The following KNL1 variants were observed in gnomAD, a reference collection of about 807,000 sequenced individuals.
The protein encoded by KNL1 is kinetochore scaffold 1, also known as outer kinetochore KNL1 complex subunit KNL1.
A neutral mutation model predicts 201.3 loss-of-function variants in KNL1; 66 were observed. The observed-to-expected ratio is 0.33, with a 90% confidence interval of 0.27 to 0.40. The LOEUF (loss-of-function observed/expected upper bound fraction) is 0.40, where lower values mean the gene tolerates loss of function less well. Ranked by LOEUF, KNL1 falls within the 10% of genes least tolerant of loss-of-function variation. The pLI is 1.00. For synonymous variants in KNL1, 895 were observed against 899.2 expected, an observed-to-expected ratio of 1.00 and a Z score of 0.08; for missense variants, 2,815 against 2,690.5, an observed-to-expected ratio of 1.05 and a Z score of -1.02.
rs1165244037 is a variant in KNL1, at chr15:40,625,375, A to G, written c.5111A>G (p.Asn1704Ser). 1.9e-6 allele frequency: 3 copies of G among 1,613,972 alleles called. No individual in the cohort carries two copies. The highest frequency in any genetic ancestry group is 2.5e-6 in the Non-Finnish European group (3 of 1,179,952). The change falls in exon 10 of 26, where the codon AAC becomes AGC. Residue 1704 changes from asparagine (N) to serine (S), a missense_variant. Asn to Ser is a conservative substitution (Grantham distance 46). Transcript: ENST00000399668. ...SGIGSVAGKL[N>S]LSPSQYINEE... is the part of the protein sequence containing the mutation. ...ATTGGATCTGTTGCAGGTAAACTGAACCTAAGTCCTTCTCAATATATAAAT... is the reference window on the plus strand; with the variant it reads ...ATTGGATCTGTTGCAGGTAAACTGAGCCTAAGTCCTTCTCAATATATAAAT...
intron 6 of KNL1, among the ~76,000 whole-genome samples, chr15:40,611,027 C>T (rs1359902779): frequency 2.0e-5 from 3 of 152,078 alleles, no homozygotes; most frequent in African/African-American, 7.2e-5. Flanking sequence ...GGATTACAGG[C>T]GTGAGCCACC....
At chr15:40,659,682 C>T (rs1029236956) in intron 25 of KNL1, among the ~76,000 whole-genome samples, 10 of 151,856 alleles carry the variant, frequency 6.6e-5, no homozygotes, top group African/African-American at 1.7e-4. Context: ...TTAGTAGAGA[C>T]GGGGTTTCAC....
chr15:40,631,182 T>C (rs994078484), intron 13 of KNL1, among the ~76,000 whole-genome samples: 1 of 152,112 alleles, frequency 6.6e-6, no homozygotes, highest in South Asian at 2.1e-4. Context: ...TAAATGTGCT[T>C]GAATCATCCT....
intron 6 of KNL1, 30 bp downstream of exon 6, chr15:40,610,327 TCTGCTTTTTAAAAAATTTTA>T: frequency 8.0e-7 from 1 of 1,247,056 alleles, no homozygotes; most frequent in East Asian, 2.3e-5. Context: ...TCCTGCTAAA[TCTGCTTTTTAAAAAATTTTA>T]CTGTAGCTAT....
chr15:40,608,930 C>T (rs1297470678), intron 5 of KNL1, 22 bp downstream of exon 5: 1 of 1,548,142 alleles, frequency 6.5e-7, no homozygotes, highest in Admixed American at 1.7e-5. Context: ...GCAGAAATAA[C>T]TAAAATATTA....
At chr15:40,647,461 G>A (rs897381253) in intron 17 of KNL1, among the ~76,000 whole-genome samples, 4 of 151,768 alleles carry the variant, frequency 2.6e-5, no homozygotes, top group Non-Finnish European at 4.4e-5. Flanking sequence ...GTGGCAGAGC[G>A]AGACTCCATC....
chr15:40,602,479 C>CGTTTTT (rs1566998543), intron 1 of KNL1, among the ~76,000 whole-genome samples: 5 of 104,188 alleles, frequency 4.8e-5, no homozygotes, highest in African/African-American at 1.7e-4. Flanking sequence ...TTTTTTCCTT[C>CGTTTTT]CTTTTTTTTT....
intron 9 of KNL1, 142 bp from the exon 10 acceptor site, chr15:40,620,498 T>C: frequency 2.1e-6 from 1 of 465,296 alleles, no homozygotes. Flanking sequence ...ACAAATTATA[T>C]GCAACATGCT....
intron 9 of KNL1, among the ~76,000 whole-genome samples, chr15:40,620,336 G>T (rs1325361817): frequency 6.6e-6 from 1 of 151,982 alleles, no homozygotes; most frequent in Non-Finnish European, 1.5e-5. Flanking sequence ...CTCCCGAGTA[G>T]CTGGGACTAC....
chr15:40,600,737 T>C (rs1891766409), intron 1 of KNL1, among the ~76,000 whole-genome samples: 1 of 152,246 alleles, frequency 6.6e-6, no homozygotes, highest in African/African-American at 2.4e-5. Context: ...TTTTGAAATC[T>C]GCAGTGGCAT....
intron 13 of KNL1, among the ~76,000 whole-genome samples, chr15:40,634,957 A>G (rs78962734): frequency 0.014 from 2,080 of 152,294 alleles, 49 homozygotes; most frequent in African/African-American, 0.047. Flanking sequence ...TCGGGAAAGA[A>G]GTTGAAAATC....
In KNL1 at chr15:40,623,910, G is replaced by C. The variant is rs547381196; in HGVS notation, c.3646G>C (p.Ala1216Pro). 5.6e-6 allele frequency: 9 copies of C among 1,613,284 alleles called. No individual in the cohort carries two copies. The highest frequency in any genetic ancestry group is 1.1e-5 in the South Asian group (1 of 91,072). The change falls in exon 10 of 26, where the codon GCA (alanine) becomes CCA (proline). Residue 1216 changes from alanine to proline, a missense_variant. Ala to Pro is a conservative substitution (Grantham distance 27, BLOSUM62 -1). Around this residue, in one of 3 missense-constraint regions of KNL1, gnomAD observed 2,464 missense variants for 2,291.7 expected, o/e 1.08. Transcript: ENST00000399668. ...TGTTCAAGAAATCGCTGAAAAACAAGCACTGGCTGTAGGAAACAAAATAGT... is the reference window on the plus strand; with the variant it reads ...TGTTCAAGAAATCGCTGAAAAACAACCACTGGCTGTAGGAAACAAAATAGT... ...SCVQEIAEKQ[A>P]LAVGNKIVLH... is the part of the protein sequence containing the mutation.
At chr15:40,600,219 G>A (rs192176290) in intron 1 of KNL1, among the ~76,000 whole-genome samples, 9 of 152,122 alleles carry the variant, frequency 5.9e-5, no homozygotes, top group Non-Finnish European at 1.0e-4. Flanking sequence ...GGGATTACAG[G>A]CACCCACCAC....
At chr15:40,618,823 T>C (rs1892425110) in intron 8 of KNL1, 136 bp from the exon 9 acceptor site, 2 of 525,258 alleles carry the variant, frequency 3.8e-6, no homozygotes, top group South Asian at 6.4e-5. Context: ...TTAAAAAAAT[T>C]TAATACGTAA....
chr15:40,606,435 G>A lies in KNL1; in HGVS notation c.118G>A (p.Gly40Arg). 1 of 1,569,698 alleles carries A rather than the reference G, an allele frequency of 6.4e-7. No homozygotes were observed. The highest frequency in any genetic ancestry group is 8.8e-7 in the Non-Finnish European group (1 of 1,139,966). Residue 40 changes from glycine to arginine, a missense_variant, in exon 4 of 26, where the codon GGG becomes AGG. Physicochemically the swap from Gly to Arg is moderately radical, Grantham distance 125. Coordinates refer to ENST00000399668, the MANE Select transcript of KNL1 (RefSeq NM_144508.5). Reference protein sequence around the residue: ...PRSPLQDLRGGNERVQESNAL... With the variant: ...PRSPLQDLRGRNERVQESNAL... ...GAGTCCTCTTCAGGACCTCAGAGGT[G>A]GGAATGAAAGAGTTCAGGTAAGTCT...
Position 40,622,690 on chromosome 15 carries a change from G to A in KNL1, c.2426G>A (p.Gly809Asp), listed in dbSNP as rs372119695. The A allele has an allele frequency of 1.3e-6, 2 of 1,591,166 alleles. No homozygotes were observed. The highest frequency in any genetic ancestry group is 1.7e-6 in the Non-Finnish European group (2 of 1,171,520). ...ATAGCTGTAAAAGTTGAAAAATGTGGTAAAAGTCCCATAGAAAAAAGTGGA... is the reference window on the plus strand; with the variant it reads ...ATAGCTGTAAAAGTTGAAAAATGTGATAAAAGTCCCATAGAAAAAAGTGGA... Reference protein sequence around the residue: ...RQIAVKVEKCGKSPIEKSGVL... With the variant: ...RQIAVKVEKCDKSPIEKSGVL... Residue 809 changes from glycine (G) to aspartate (D), a missense_variant, in exon 10 of 26, where the codon GGT becomes GAT. By Grantham distance (94) the Gly-to-Asp change is moderately conservative. Transcript: ENST00000399668.
chr15:40,636,434 C>T (rs1327710161), intron 13 of KNL1, among the ~76,000 whole-genome samples: 1 of 152,064 alleles, frequency 6.6e-6, no homozygotes, highest in Non-Finnish European at 1.5e-5. Context: ...ATGATGAAAC[C>T]TTTTTAAAAC....
chr15:40,660,747 T>G (rs1027169806), intron 25 of KNL1, among the ~76,000 whole-genome samples: 1 of 150,050 alleles, frequency 6.7e-6, no homozygotes, highest in Non-Finnish European at 1.5e-5. Context: ...GGTGGGCGGA[T>G]CACTTGAGCT....
chr15:40,654,464 A>C (rs1210292168), intron 21 of KNL1, among the ~76,000 whole-genome samples: 1 of 151,984 alleles, frequency 6.6e-6, no homozygotes, highest in East Asian at 1.9e-4. Flanking sequence ...AGATACAGAG[A>C]ATAATGATTC....
Sources: allele counts gnomAD v4.1 joint callset (sites outside exome capture counted in the v4.1 genomes callset), GRCh38; gene constraint gnomAD v4.1.1; regional missense constraint gnomAD v4.1.1; transcripts MANE v1.5; gene names NCBI Gene and HGNC (gene_info 2026-07-23, HGNC 2026-07-21).